Variants in TENM4 observed in about 807,000 individuals in gnomAD.
TENM4 encodes the protein teneurin-4.
TENM4 carries 82 observed loss-of-function variants against 243.3 expected under a neutral mutation model. That is an observed-to-expected ratio of 0.34 (90% CI 0.28 to 0.40). The LOEUF is 0.40. TENM4 is among the 10% of genes least tolerant of loss of function. The probability of loss-of-function intolerance (pLI) is 1.00; values close to 1 mark genes in which losing one functional copy is unlikely to be tolerated. For synonymous variants in TENM4, 1,412 were observed against 1,456.3 expected (o/e 0.97, Z 0.69); for missense variants, 3,138 against 3,673.3 (o/e 0.85, Z 3.77).
At chr11:78,880,488 A>AAAAAAAAAAAAAAGAG (rs1368857006) in intron 9 of TENM4, among the ~76,000 whole-genome samples, 1 of 113,030 alleles carries the variant, frequency 8.8e-6, no homozygotes, top group African/African-American at 3.5e-5. Context: ...AAAAAAAAAA[A>AAAAAAAAAAAAAAGAG]AGAAAGAAAA....
chr11:79,347,767 T>G, intron 1 of TENM4, among the ~76,000 whole-genome samples: 1 of 122,676 alleles, frequency 8.2e-6, no homozygotes, highest in East Asian at 2.2e-4. Flanking sequence ...CTCTCCTTTT[T>G]TTTTTTTTTT....
intron 15 of TENM4, among the ~76,000 whole-genome samples, chr11:78,791,121 G>A (rs996910839): frequency 1.3e-5 from 2 of 152,118 alleles, no homozygotes; most frequent in Non-Finnish European, 2.9e-5. Context: ...GGGAGTGCTT[G>A]GATTCTCTGC....
intron 1 of TENM4, among the ~76,000 whole-genome samples, chr11:79,313,559 G>C (rs1157632855): frequency 1.3e-5 from 2 of 152,164 alleles, no homozygotes; most frequent in African/African-American, 4.8e-5. Flanking sequence ...CTGATTTCAA[G>C]GATCTGGAAA....
At chr11:79,439,076 ATC>A (rs1207789552) in intron 1 of TENM4, 1 of 151,402 alleles carries the variant, frequency 6.6e-6, no homozygotes, top group Non-Finnish European at 1.5e-5. Context: ...CGCTCAGCAG[ATC>A]TCTCTCCTTA....
At chr11:78,771,592 C>G (rs1302533383) in intron 17 of TENM4, among the ~76,000 whole-genome samples, 1 of 152,206 alleles carries the variant, frequency 6.6e-6, no homozygotes, top group African/African-American at 2.4e-5. Flanking sequence ...TCCTTCATCA[C>G]TTCTGGGTAT....
intron 1 of TENM4, among the ~76,000 whole-genome samples, chr11:79,398,137 C>CGT (rs1235869372): frequency 2.1e-3 from 323 of 152,250 alleles, no homozygotes; most frequent in African/African-American, 7.6e-3. Context: ...AATGCAGCAT[C>CGT]GGCCCAAGTT....
intron 18 of TENM4, among the ~76,000 whole-genome samples, chr11:78,761,301 G>A (rs1437924409): frequency 1.3e-5 from 2 of 151,580 alleles, no homozygotes; most frequent in Non-Finnish European, 2.9e-5. Flanking sequence ...GTGCAGTGGC[G>A]TGATCTCGGC....
At chr11:78,905,274 C>T (rs903359078) in intron 6 of TENM4, among the ~76,000 whole-genome samples, 1 of 152,290 alleles carries the variant, frequency 6.6e-6, no homozygotes, top group East Asian at 1.9e-4. Context: ...TCATCAAGCA[C>T]AGTCAAGTAT....
At chr11:78,742,615 C>A (rs1855954930) in intron 19 of TENM4, among the ~76,000 whole-genome samples, 1 of 152,204 alleles carries the variant, frequency 6.6e-6, no homozygotes, top group Admixed American at 6.5e-5. Flanking sequence ...GCTAGGTGAA[C>A]TCTGCCAGGA....
chr11:78,846,774 C>T (rs1298220054), intron 12 of TENM4, among the ~76,000 whole-genome samples: 2 of 152,242 alleles, frequency 1.3e-5, no homozygotes, highest in African/African-American at 4.8e-5. Flanking sequence ...GGGTCTGGCA[C>T]ACAGTAAGAG....
intron 6 of TENM4, among the ~76,000 whole-genome samples, chr11:78,995,488 T>C (rs1035935796): frequency 1.1e-4 from 17 of 152,090 alleles, no homozygotes; most frequent in Non-Finnish European, 1.5e-4. Context: ...TACCAGGAAT[T>C]TGAAGGACCC....
At chr11:78,785,660 A>G (rs1243157780) in intron 16 of TENM4, among the ~76,000 whole-genome samples, 5 of 152,216 alleles carry the variant, frequency 3.3e-5, no homozygotes, top group Non-Finnish European at 5.9e-5. Flanking sequence ...ATACTTAAAA[A>G]TCAGAAGCCA....
intron 13 of TENM4, among the ~76,000 whole-genome samples, chr11:78,813,643 T>A (rs1462341614): frequency 2.0e-5 from 3 of 152,236 alleles, no homozygotes; most frequent in African/African-American, 4.8e-5. Context: ...GCAGATCTCC[T>A]TGACACTTTC....
intron 1 of TENM4, among the ~76,000 whole-genome samples, chr11:79,340,865 C>T (rs143785152): frequency 1.5e-3 from 234 of 152,298 alleles, no homozygotes; most frequent in Non-Finnish European, 2.5e-3. Flanking sequence ...TACTTATGTC[C>T]TAATCCCCAG....
chr11:79,027,873 A>G (rs915201057), intron 6 of TENM4, among the ~76,000 whole-genome samples: 3 of 152,186 alleles, frequency 2.0e-5, no homozygotes, highest in African/African-American at 4.8e-5. Context: ...CTGAGCCTCA[A>G]TTCAGCCCCC....
At chr11:78,923,193 GCC>G (rs1363010799) in intron 6 of TENM4, among the ~76,000 whole-genome samples, 2 of 152,132 alleles carry the variant, frequency 1.3e-5, no homozygotes, top group East Asian at 3.8e-4. Context: ...CACTCAGAGG[GCC>G]CGTGTTTGGT....
chr11:78,756,524 A>G, intron 19 of TENM4: 1 of 414,216 alleles, frequency 2.4e-6, no homozygotes, highest in Non-Finnish European at 4.5e-6. Flanking sequence ...GTGGGTATTG[A>G]TCCAAGATTC....
At chr11:79,384,100 G>A (rs1858060840) in intron 1 of TENM4, among the ~76,000 whole-genome samples, 1 of 152,280 alleles carries the variant, frequency 6.6e-6, no homozygotes, top group Admixed American at 6.5e-5. Flanking sequence ...CCAGCCTGAT[G>A]ACCAGGAATT....
At chr11:78,760,321 T>C (rs929120959) in intron 18 of TENM4, among the ~76,000 whole-genome samples, 2 of 152,226 alleles carry the variant, frequency 1.3e-5, no homozygotes, top group Non-Finnish European at 2.9e-5. Flanking sequence ...AAGAGAGCCC[T>C]CTCTCCAGGC....
Sources: gnomAD v4.1 joint callset for allele counts (sites outside exome capture counted in the v4.1 genomes callset) on GRCh38, gnomAD v4.1.1 for gene constraint, MANE v1.5 for transcripts, NCBI Gene and HGNC (gene_info 2026-07-23, HGNC 2026-07-21) for gene names.